REEP1: variants seen among roughly 807,000 people sequenced by gnomAD.
The protein encoded by REEP1 is receptor expression-enhancing protein 1.
In REEP1, 22 loss-of-function variants were observed where a neutral mutation model predicts 40.3. The observed-to-expected ratio is 0.55, with a 90% CI of 0.39 to 0.78. The LOEUF (loss-of-function observed/expected upper bound fraction) is 0.78. Among genes scored for constraint, REEP1 ranks in the 30% least tolerant of loss-of-function variants. The pLI, the probability that REEP1 is intolerant of heterozygous loss-of-function variation, is 0.00. For synonymous variants in REEP1, 116 were observed against 139.2 expected (o/e 0.83, Z 1.17); for missense variants, 280 against 361.1 (o/e 0.78, Z 1.82).
chr2:86,243,648 C>T (rs1675785558), intron 5 of REEP1, among the ~76,000 whole-genome samples: 1 of 152,200 alleles, frequency 6.6e-6, no homozygotes, highest in Admixed American at 6.5e-5. Flanking sequence ...TGCTTCGACA[C>T]ATTTTGAGAG....
chr2:86,312,671 C>A (rs993895144), intron 1 of REEP1, among the ~76,000 whole-genome samples: 9 of 152,202 alleles, frequency 5.9e-5, no homozygotes, highest in Non-Finnish European at 1.2e-4. Context: ...AAATTCCTTA[C>A]CCTTTCTAAA....
intron 1 of REEP1, among the ~76,000 whole-genome samples, chr2:86,283,345 G>A (rs1448127459): frequency 6.6e-6 from 1 of 152,166 alleles, no homozygotes; most frequent in East Asian, 1.9e-4. Context: ...GGTCACCCCA[G>A]GTGCCAACTT....
chr2:86,266,391 G>A (rs1032496849), intron 2 of REEP1, among the ~76,000 whole-genome samples: 7 of 151,436 alleles, frequency 4.6e-5, no homozygotes, highest in South Asian at 2.1e-4. Context: ...AGGCCGAGGC[G>A]GGTGGATCAT....
rs1228758892 is a variant in REEP1 at position 86,216,627 on chromosome 2, AAG to A, written c.*410_*411del. 11 of 170,640 alleles carry A rather than the reference AAG, an allele frequency of 6.4e-5. No homozygotes were observed. The highest frequency in any genetic ancestry group is 1.1e-4 in the Admixed American group (2 of 17,454). 10.6% of individuals were successfully genotyped at this position (170,640 alleles called of 1,614,324 possible). A position where few individuals can be genotyped will look rare whatever the true frequency, so the allele number is the denominator to read the frequency against. ...GTTCAAAGTATAAGTACCAAGAACA[AAG>A]AAAGTTGTAAAAAATGCTGTGTTTG... On this transcript the variant is annotated 3_prime_UTR_variant, in exon 9 of 9. Coordinates refer to ENST00000538924, the MANE Select transcript of REEP1 (RefSeq NM_001371279.1).
chr2:86,267,881 C>T (rs959635997), intron 2 of REEP1, among the ~76,000 whole-genome samples: 2 of 151,006 alleles, frequency 1.3e-5, no homozygotes, highest in African/African-American at 2.4e-5. Context: ...CAGTTAAAAA[C>T]GTGCAAAGGG....
intron 1 of REEP1, among the ~76,000 whole-genome samples, chr2:86,282,689 T>C (rs530760200): frequency 1.3e-5 from 2 of 152,296 alleles, no homozygotes; most frequent in South Asian, 4.1e-4. Flanking sequence ...GCAGCTAGAA[T>C]AAACTCTTCA....
intron 3 of REEP1, among the ~76,000 whole-genome samples, chr2:86,256,075 G>A (rs1273555110): frequency 6.6e-6 from 1 of 152,142 alleles, no homozygotes; most frequent in Non-Finnish European, 1.5e-5. Context: ...CTGGCCGGGC[G>A]CGGTGGCTCA....
intron 2 of REEP1, among the ~76,000 whole-genome samples, chr2:86,279,245 T>C (rs1375343559): frequency 6.6e-6 from 1 of 152,190 alleles, no homozygotes; most frequent in Non-Finnish European, 1.5e-5. Flanking sequence ...GTGTTGAGAT[T>C]ACAGCGCTGA....
chr2:86,327,231 C>T (rs1680550750), intron 1 of REEP1, among the ~76,000 whole-genome samples: 1 of 152,132 alleles, frequency 6.6e-6, no homozygotes, highest in South Asian at 2.1e-4. Context: ...CCAGGATATG[C>T]TGTTTTCTTA....
In REEP1 at chr2:86,330,812, G is replaced by A. The variant is rs116443820; in HGVS notation, c.32+6667C>T. 2.9e-3 allele frequency among the ~76,000 whole-genome samples: 437 copies of A among 152,236 alleles called. 2 individuals carry two copies. The highest frequency in any genetic ancestry group is 0.01 in the African/African-American group (418 of 41,508). ...TCAGCCTGGGACTCTCAGTGAATGC[G>A]ATGAGCAGAGTACCCCTGCCAACCC... is the stretch of plus-strand genomic sequence containing the variant. On this transcript the variant is annotated intron_variant, in intron 1 of 8. Coordinates refer to ENST00000538924, the MANE Select transcript of REEP1 (RefSeq NM_001371279.1).
At chr2:86,328,885 C>A (rs1367317525) in intron 1 of REEP1, among the ~76,000 whole-genome samples, 2 of 152,180 alleles carry the variant, frequency 1.3e-5, no homozygotes, top group Non-Finnish European at 2.9e-5. Flanking sequence ...ACAATTAATG[C>A]TGTTTTAGCA....
chr2:86,311,442 TA>T (rs1434304351), intron 1 of REEP1, among the ~76,000 whole-genome samples: 5 of 152,166 alleles, frequency 3.3e-5, no homozygotes, highest in Admixed American at 3.3e-4. Context: ...TCTAGAAGTC[TA>T]AAATCAAAGT....
chr2:86,269,284 T>C (rs1677311166), intron 2 of REEP1, among the ~76,000 whole-genome samples: 1 of 152,192 alleles, frequency 6.6e-6, no homozygotes, highest in Non-Finnish European at 1.5e-5. Context: ...TCAACTGAGG[T>C]ATTTAAACTA....
At chr2:86,224,712 A>G (rs1250425122) in intron 7 of REEP1, among the ~76,000 whole-genome samples, 4 of 152,224 alleles carry the variant, frequency 2.6e-5, no homozygotes, top group Non-Finnish European at 5.9e-5. Flanking sequence ...GCTCGGGGAT[A>G]AGGAACCAGA....
chr2:86,258,291 T>C (rs766164173), intron 3 of REEP1, among the ~76,000 whole-genome samples: 4 of 152,240 alleles, frequency 2.6e-5, no homozygotes, highest in Non-Finnish European at 5.9e-5. Context: ...CAGCTTGTCA[T>C]CTGTTTTTAT....
chr2:86,337,793 C>A (rs1021324902), upstream of REEP1: 4 of 829,058 alleles, frequency 4.8e-6, no homozygotes, highest in Non-Finnish European at 6.5e-6. This position sits in a 1 kb window ranked among gnomAD's most constrained non-coding sequence, Gnocchi z 5.8. Context: ...TCGCCCTGGC[C>A]CCCGGCTGAA....
intron 1 of REEP1, among the ~76,000 whole-genome samples, chr2:86,304,100 T>A (rs1377149541): frequency 6.6e-6 from 1 of 152,024 alleles, no homozygotes; most frequent in African/African-American, 2.4e-5. Flanking sequence ...CAAAAGCAGT[T>A]TACAACCCAG....
intron 3 of REEP1, among the ~76,000 whole-genome samples, chr2:86,261,653 G>A (rs1277712105): frequency 6.6e-6 from 1 of 152,224 alleles, no homozygotes; most frequent in Non-Finnish European, 1.5e-5. Context: ...TTCTCCCCAT[G>A]TGATAGTCTG....
At chr2:86,288,419 T>C (rs1040973861) in intron 1 of REEP1, among the ~76,000 whole-genome samples, 1 of 152,210 alleles carries the variant, frequency 6.6e-6, no homozygotes, top group Non-Finnish European at 1.5e-5. Context: ...ACCTTCCAAG[T>C]AGCTGGGATT....
Sources: allele counts gnomAD v4.1 joint callset (sites outside exome capture counted in the v4.1 genomes callset), GRCh38; gene constraint gnomAD v4.1.1; non-coding constraint Gnocchi (gnomAD v3.1); transcripts MANE v1.5; gene names NCBI Gene and HGNC (gene_info 2026-07-23, HGNC 2026-07-21).